RTL4: variants seen among roughly 807,000 people sequenced by gnomAD.
The protein encoded by RTL4 is retrotransposon Gag-like protein 4.
Under a neutral mutation model 5.3 loss-of-function variants are expected in RTL4, and 4 were observed. The ratio of observed to expected loss-of-function variants is 0.75; its 90% CI spans 0.37 to 1.72. RTL4 has a LOEUF of 1.72. Ranked by LOEUF, RTL4 falls within the 40% of genes most tolerant of loss-of-function variation. The pLI is 0.04. For missense variants in RTL4, 260 were observed against 227.1 expected (o/e 1.14, Z -0.93); for synonymous variants, 98 against 87.3 (o/e 1.12, Z -0.68).
At chrX:112,141,033 A>G in the RTL4 span, among the ~76,000 whole-genome samples, 1 of 111,970 alleles carries the variant, frequency 8.9e-6, no homozygotes, top group African/African-American at 3.2e-5. Context: ...TTTTCACAAT[A>G]TTGATTCTAT....
At chrX:112,173,181 T>C in the RTL4 span, among the ~76,000 whole-genome samples, 10 of 110,474 alleles carry the variant, frequency 9.1e-5, no homozygotes, top group African/African-American at 3.3e-4. Context: ...AAAAAAACAA[T>C]GAAAGACCAA....
the RTL4 span, among the ~76,000 whole-genome samples, chrX:112,289,332 C>A: frequency 8.9e-6 from 1 of 112,135 alleles, no homozygotes; most frequent in African/African-American, 3.2e-5. Flanking sequence ...AACTTTGTGG[C>A]AAACAACTAA....
At chrX:112,417,072 C>G in the RTL4 span, among the ~76,000 whole-genome samples, 10 of 111,279 alleles carry the variant, frequency 9.0e-5, no homozygotes, top group African/African-American at 3.3e-4. Context: ...AATTAGAGAC[C>G]GAAAGAGCTT....
the RTL4 span, among the ~76,000 whole-genome samples, chrX:112,157,064 T>TTGTGTGTGTGTGTGTGTG: frequency 1.0e-5 from 1 of 96,583 alleles, no homozygotes; most frequent in Admixed American, 1.1e-4. Flanking sequence ...GTTATACTGT[T>TTGTGTGTGTGTGTGTGTG]TGTGTGTGTG....
chrX:112,266,504 A>G, the RTL4 span, among the ~76,000 whole-genome samples: 1 of 110,804 alleles, frequency 9.0e-6, no homozygotes, highest in Admixed American at 9.5e-5. Flanking sequence ...TGGGGGTTGG[A>G]CTGGCAACTT....
chrX:112,394,896 A>T, the RTL4 span, among the ~76,000 whole-genome samples: 3 of 112,232 alleles, frequency 2.7e-5, no homozygotes, highest in African/African-American at 9.7e-5. Flanking sequence ...TAAAATTTCC[A>T]CTATTGCTAC....
chrX:112,110,660 A>G, the RTL4 span, among the ~76,000 whole-genome samples: 2 of 112,381 alleles, frequency 1.8e-5, no homozygotes, highest in Admixed American at 9.4e-5. Context: ...ATATTAACTT[A>G]GAATTGGTAT....
chrX:112,232,231 G>C, the RTL4 span, among the ~76,000 whole-genome samples: 1 of 111,277 alleles, frequency 9.0e-6, no homozygotes, highest in African/African-American at 3.3e-5. Flanking sequence ...AGAAGATCTG[G>C]GTCTTAGTTT....
At chrX:112,243,689 T>C in the RTL4 span, among the ~76,000 whole-genome samples, 3 of 111,870 alleles carry the variant, frequency 2.7e-5, no homozygotes, top group Non-Finnish European at 5.6e-5. Flanking sequence ...TTTGTGTCTC[T>C]ATCTCCTTCA....
chrX:112,199,101 A>G, the RTL4 span, among the ~76,000 whole-genome samples: 1 of 110,201 alleles, frequency 9.1e-6, no homozygotes, highest in Non-Finnish European at 1.9e-5. Context: ...ATCCTGGCTA[A>G]CATGGTGAAA....
the RTL4 span, among the ~76,000 whole-genome samples, chrX:112,088,411 T>C: frequency 2.9e-4 from 33 of 112,013 alleles, no homozygotes; most frequent in Non-Finnish European, 5.1e-4. Flanking sequence ...TGCAACCTAC[T>C]GATGTTCCAT....
the RTL4 span, among the ~76,000 whole-genome samples, chrX:112,413,821 C>T: frequency 9.1e-6 from 1 of 110,177 alleles, no homozygotes; most frequent in Non-Finnish European, 1.9e-5. Flanking sequence ...TTTAATTGCA[C>T]ATATTTAAAT....
At chrX:112,226,994 T>C in the RTL4 span, among the ~76,000 whole-genome samples, 1 of 99,563 alleles carries the variant, frequency 1.0e-5, no homozygotes, top group African/African-American at 4.1e-5. Flanking sequence ...TAAAACAAAA[T>C]AAAATAAAAT....
the RTL4 span, among the ~76,000 whole-genome samples, chrX:112,116,283 G>T: frequency 9.0e-6 from 1 of 111,715 alleles, no homozygotes; most frequent in Non-Finnish European, 1.9e-5. Flanking sequence ...GTCTGGAGTT[G>T]GTTCCTTCTG....
At chrX:112,455,565 G>T in exon 1 of RTL4, 2 of 1,211,726 alleles carry the variant, frequency 1.7e-6, no homozygotes, top group Non-Finnish European at 2.2e-6. Flanking sequence ...AAACTCAGTT[G>T]TGCCTCTACT....
At chrX:112,424,465 G>C in the RTL4 span, among the ~76,000 whole-genome samples, 3 of 110,995 alleles carry the variant, frequency 2.7e-5, no homozygotes, top group Non-Finnish European at 5.7e-5. Context: ...TAAATCTTCT[G>C]GTAACTGCTA....
the RTL4 span, among the ~76,000 whole-genome samples, chrX:112,365,958 T>C: frequency 9.0e-6 from 1 of 111,596 alleles, no homozygotes; most frequent in Non-Finnish European, 1.9e-5. Flanking sequence ...GATGACCTAC[T>C]GAATTAAAGA....
chrX:112,274,018 C>G, the RTL4 span, among the ~76,000 whole-genome samples: 2 of 111,720 alleles, frequency 1.8e-5, no homozygotes, highest in African/African-American at 6.5e-5. Flanking sequence ...GGTATTAGTA[C>G]AGTATTATCC....
the RTL4 span, among the ~76,000 whole-genome samples, chrX:112,377,197 G>A: frequency 1.8e-5 from 2 of 111,734 alleles, no homozygotes; most frequent in African/African-American, 6.5e-5. Context: ...AGAGGTTCTA[G>A]AGGCAGCATA....
Sources: gnomAD v4.1 joint callset for allele counts (sites outside exome capture counted in the v4.1 genomes callset) on GRCh38, gnomAD v4.1.1 for gene constraint, MANE v1.5 for transcripts, NCBI Gene and HGNC (gene_info 2026-07-23, HGNC 2026-07-21) for gene names.